HNF4G: variants seen among roughly 807,000 people sequenced by gnomAD.
HNF4G encodes hepatocyte nuclear factor 4-gamma.
A neutral mutation model predicts 50.9 loss-of-function variants in HNF4G; 21 were observed. That is an observed-to-expected ratio of 0.41 (90% CI 0.29 to 0.59). The LOEUF (loss-of-function observed/expected upper bound fraction) is 0.59, where lower values mean the gene tolerates loss of function less well. Ranked by LOEUF, HNF4G falls within the 20% of genes least tolerant of loss-of-function variation. The probability of loss-of-function intolerance (pLI) is 0.26; values close to 1 mark genes in which losing one functional copy is unlikely to be tolerated. For missense variants in HNF4G, 527 were observed against 559.4 expected, an observed-to-expected ratio of 0.94 and a Z score of 0.58; for synonymous variants, 198 against 185.6, an observed-to-expected ratio of 1.07 and a Z score of -0.54.
chr8:75,564,101 G>T lies in HNF4G; in HGVS notation c.*5G>T, dbSNP rs745637931. 1.2e-6 allele frequency: 2 copies of T among 1,612,982 alleles called. No homozygotes were observed. The highest frequency in any genetic ancestry group is 1.3e-5 in the African/African-American group (1 of 74,882). ...TCCAAACAAAAGCAATTGTGAAAAT[G>T]TGTTTACTTCAGAACGGCACTACAT... On this transcript the variant is annotated 3_prime_UTR_variant, in exon 10 of 10. Transcript: ENST00000396423.
At chr8:75,422,717 T>G (rs1488053156) in intron 1 of HNF4G, among the ~76,000 whole-genome samples, 1 of 151,746 alleles carries the variant, frequency 6.6e-6, no homozygotes, top group Non-Finnish European at 1.5e-5. Context: ...CACTGCAAGC[T>G]CCGCCTCCCA....
intron 4 of HNF4G, 80 bp downstream of exon 4, chr8:75,551,574 T>G: frequency 1.2e-6 from 1 of 838,526 alleles, no homozygotes; most frequent in Non-Finnish European, 2.0e-6. Context: ...ATAATCTAAG[T>G]TTTTTCAAAG....
intron 2 of HNF4G, among the ~76,000 whole-genome samples, chr8:75,499,605 T>C (rs938506477): frequency 1.3e-5 from 2 of 151,598 alleles, no homozygotes; most frequent in Non-Finnish European, 2.9e-5. Flanking sequence ...AGAACACAGC[T>C]GAATGACCCA....
intron 2 of HNF4G, among the ~76,000 whole-genome samples, chr8:75,503,412 G>C (rs888967751): frequency 3.7e-4 from 57 of 152,144 alleles, no homozygotes; most frequent in African/African-American, 1.3e-3. Flanking sequence ...ATTACTAATA[G>C]TAAGAGTGAT....
Position 75,565,901 on chromosome 8 carries a change from TG to T in HNF4G, c.*1811del, listed in dbSNP as rs34963256. On this transcript the variant is annotated 3_prime_UTR_variant, in exon 10 of 10. Coordinates refer to ENST00000396423, the MANE Select transcript of HNF4G (RefSeq NM_004133.5). ...TTGTGAAACTGTAAAATATATCATA[TG>T]GGGGGAGTTTTTTAACTCTTATTTT... The T allele has an allele frequency of 6.6e-6, 1 of 152,114 alleles. No homozygotes were observed. Among genetic ancestry groups the T allele is most frequent in the African/African-American group, 2.4e-5 (1 of 41,422 alleles). The allele number at this position is 152,114 out of a possible 1,614,324, so 9.4% of individuals were successfully genotyped here.
chr8:75,483,034 A>G (rs1387407945), intron 1 of HNF4G, among the ~76,000 whole-genome samples: 3 of 152,188 alleles, frequency 2.0e-5, no homozygotes, highest in African/African-American at 7.2e-5. Flanking sequence ...GGACAATTGA[A>G]CACTTTTAAA....
intron 2 of HNF4G, among the ~76,000 whole-genome samples, chr8:75,532,439 T>C (rs899806719): frequency 6.6e-5 from 10 of 152,242 alleles, no homozygotes; most frequent in Non-Finnish European, 1.2e-4. Context: ...TTTAGAAATA[T>C]GTTCAATGTT....
At chr8:75,548,472 C>T (rs531480682) in intron 3 of HNF4G, among the ~76,000 whole-genome samples, 1 of 152,174 alleles carries the variant, frequency 6.6e-6, no homozygotes, top group South Asian at 2.1e-4. Context: ...ACAAAATAAT[C>T]TTCCCTTTCA....
intron 4 of HNF4G, among the ~76,000 whole-genome samples, chr8:75,552,034 T>C (rs961424701): frequency 2.0e-5 from 3 of 152,214 alleles, no homozygotes; most frequent in Non-Finnish European, 4.4e-5. Flanking sequence ...TCATTAGTTA[T>C]ATACATAAAA....
Position 75,534,488 on chromosome 8 carries a change from C to A in HNF4G, c.-23-9323C>A, listed in dbSNP as rs573576027. 2.0e-5 allele frequency among the ~76,000 whole-genome samples: 3 copies of A among 151,930 alleles called. No homozygotes were observed. The East Asian group carries it at 5.8e-4, about 29-fold the overall frequency. ...GCTGTGCAATCATCATTTTGTCTAT[C>A]CTAACAGTAACTGATTTAATAACGA... On this transcript the variant is annotated intron_variant, in intron 2 of 10. Transcript: ENST00000354370.
chr8:75,526,353 T>A (rs910913289), intron 2 of HNF4G, among the ~76,000 whole-genome samples: 2 of 152,082 alleles, frequency 1.3e-5, no homozygotes, highest in African/African-American at 4.8e-5. Context: ...GTTTAACCTC[T>A]AAATCAATAC....
chr8:75,443,490 A>G (rs1340500967), intron 1 of HNF4G, among the ~76,000 whole-genome samples: 4 of 152,200 alleles, frequency 2.6e-5, no homozygotes, highest in Non-Finnish European at 4.4e-5. Flanking sequence ...TAGCCTCATA[A>G]TGAAGAATTC....
At chr8:75,444,313 G>A (rs935800601) in intron 1 of HNF4G, among the ~76,000 whole-genome samples, 10 of 151,630 alleles carry the variant, frequency 6.6e-5, no homozygotes, top group Admixed American at 2.0e-4. Flanking sequence ...GGTACCAGCC[G>A]CTGCAAAATC....
chr8:75,511,159 C>T (rs1431030741), intron 2 of HNF4G, among the ~76,000 whole-genome samples: 2 of 151,944 alleles, frequency 1.3e-5, no homozygotes, highest in African/African-American at 4.8e-5. Flanking sequence ...AGTCATTAAT[C>T]TACATATGAT....
intron 1 of HNF4G, among the ~76,000 whole-genome samples, chr8:75,542,799 GGAAAGAA>G (rs1412997427): frequency 6.6e-6 from 1 of 152,156 alleles, no homozygotes; most frequent in African/African-American, 2.4e-5. Context: ...AAGAATGGAA[GGAAAGAA>G]CTTAGATAGC....
At chr8:75,562,896 G>A (rs944180438) in intron 9 of HNF4G, among the ~76,000 whole-genome samples, 1 of 152,236 alleles carries the variant, frequency 6.6e-6, no homozygotes, top group East Asian at 1.9e-4. Context: ...TGCAGTCTTA[G>A]ATCTGGTCTA....
intron 1 of HNF4G, among the ~76,000 whole-genome samples, chr8:75,439,157 T>C (rs1270148946): frequency 6.6e-6 from 1 of 152,054 alleles, no homozygotes; most frequent in African/African-American, 2.4e-5. Flanking sequence ...CAGGATTAAT[T>C]CATAGTAATG....
At chr8:75,409,996 G>T (rs1047481720) in intron 1 of HNF4G, among the ~76,000 whole-genome samples, 14 of 151,616 alleles carry the variant, frequency 9.2e-5, no homozygotes, top group Middle Eastern at 3.2e-3. Context: ...AAATTTGAAT[G>T]GTTCATATCA....
chr8:75,420,900 C>A (rs936420307), intron 1 of HNF4G, among the ~76,000 whole-genome samples: 2 of 152,038 alleles, frequency 1.3e-5, no homozygotes, highest in African/African-American at 2.4e-5. Flanking sequence ...AATTACATGA[C>A]GTAATTATTT....
Sources: allele counts gnomAD v4.1 joint callset (sites outside exome capture counted in the v4.1 genomes callset), GRCh38; gene constraint gnomAD v4.1.1; transcripts MANE v1.5; gene names NCBI Gene and HGNC (gene_info 2026-07-23, HGNC 2026-07-21).